Variants in SIK3 observed in about 807,000 individuals in gnomAD.
SIK3 encodes SIK family kinase 3.
A neutral mutation model predicts 144.2 loss-of-function variants in SIK3; 28 were observed. The observed-to-expected ratio is 0.19, with a 90% CI of 0.14 to 0.27. The LOEUF (loss-of-function observed/expected upper bound fraction) is 0.27, where lower values mean the gene tolerates loss of function less well. Among genes scored for constraint, SIK3 ranks in the 10% least tolerant of loss-of-function variants. The pLI, the probability that SIK3 is intolerant of heterozygous loss-of-function variation, is 1.00. For synonymous variants in SIK3, 686 were observed against 676.3 expected (o/e 1.01, Z -0.22); for missense variants, 1,319 against 1,776.0 (o/e 0.74, Z 4.62).
intron 1 of SIK3, among the ~76,000 whole-genome samples, chr11:116,993,006 C>T (rs1950547700): frequency 6.6e-6 from 1 of 152,076 alleles, no homozygotes; most frequent in African/African-American, 2.4e-5. Flanking sequence ...TCTAAAGGAC[C>T]AAATGTGAAC....
In SIK3 at chr11:116,867,830, T is replaced by C; in HGVS notation, c.1952+116A>G. The C allele has an allele frequency of 9.1e-7, 1 of 1,095,666 alleles. No homozygotes were observed. The highest frequency in any genetic ancestry group is 1.3e-6 in the Non-Finnish European group (1 of 788,644). The allele number at this position is 1,095,666 out of a possible 1,614,324, so 67.9% of individuals were successfully genotyped here. ...GAGCTGAGAAGATGTGAGTTCAGGATGACAGCTGGCTTCTATTTAAAGCCA... is the reference window on the plus strand; with the variant it reads ...GAGCTGAGAAGATGTGAGTTCAGGACGACAGCTGGCTTCTATTTAAAGCCA... On this transcript the variant is annotated intron_variant, in intron 15 of 24. Coordinates refer to ENST00000445177, the MANE Select transcript of SIK3 (RefSeq NM_001366686.3). This position sits in a 1 kb window ranked among gnomAD's most constrained non-coding sequence, Gnocchi z 4.1.
At position 117,072,432 on chromosome 11, in the gene SIK3, C is replaced by A. The variant is rs189519684; in HGVS notation, c.273+25711G>T. On this transcript the variant is annotated intron_variant, in intron 1 of 24. Coordinates refer to ENST00000445177, the MANE Select transcript of SIK3 (RefSeq NM_001366686.3). ...AAAAATAAAATAACATGACTGTGTCCAAAAAGCATATTGTTACATTTCCAC... is the reference window on the plus strand; with the variant it reads ...AAAAATAAAATAACATGACTGTGTCAAAAAAGCATATTGTTACATTTCCAC... 3.8e-3 allele frequency among the ~76,000 whole-genome samples: 575 copies of A among 152,008 alleles called. 2 individuals carry two copies. The highest frequency in any genetic ancestry group is 7.5e-3 in the Admixed American group (115 of 15,252).
intron 1 of SIK3, among the ~76,000 whole-genome samples, chr11:117,009,050 C>A (rs1387150697): frequency 6.6e-6 from 1 of 151,894 alleles, no homozygotes; most frequent in Non-Finnish European, 1.5e-5. Context: ...GCCTGACCAA[C>A]ATGGCGAAAC....
intron 5 of SIK3, 50 bp downstream of exon 5, chr11:116,897,143 C>T: frequency 1.3e-6 from 2 of 1,577,366 alleles, no homozygotes; most frequent in Non-Finnish European, 1.7e-6. Context: ...TAGCTGTCAT[C>T]AACCAAGGGT....
intron 3 of SIK3, among the ~76,000 whole-genome samples, chr11:116,951,681 T>A (rs1466594343): frequency 6.6e-6 from 1 of 152,088 alleles, no homozygotes; most frequent in Non-Finnish European, 1.5e-5. Flanking sequence ...ATGCCTATAA[T>A]CCCAACACTT....
chr11:116,934,612 A>G (rs1483789003), intron 3 of SIK3, among the ~76,000 whole-genome samples: 2 of 152,266 alleles, frequency 1.3e-5, no homozygotes, highest in Non-Finnish European at 2.9e-5. Context: ...ATGTGGAACT[A>G]GAACTATTTT....
chr11:116,893,099 T>G (rs1219421356), intron 6 of SIK3, among the ~76,000 whole-genome samples: 1 of 152,126 alleles, frequency 6.6e-6, no homozygotes, highest in African/African-American at 2.4e-5. Flanking sequence ...TTGGGGGCAG[T>G]GAAACAATTT....
rs180916814 is a variant in SIK3, at chr11:116,965,384, T to A, written c.274-8320A>T. On this transcript the variant is annotated intron_variant, in intron 1 of 24. Coordinates refer to ENST00000445177, the MANE Select transcript of SIK3 (RefSeq NM_001366686.3). ...AATGTATTCAACAATTTTTTTTTTTTAAAAAAAAGGAGTGGAGGAAAAGAG... is the reference window on the plus strand; with the variant it reads ...AATGTATTCAACAATTTTTTTTTTTAAAAAAAAAGGAGTGGAGGAAAAGAG... Among the ~76,000 whole-genome samples the A allele has an allele frequency of 7.0e-3, 1,052 of 150,970 alleles. 15 individuals are homozygous for A. Among genetic ancestry groups the A allele is most frequent in the Middle Eastern group, 0.037 (11 of 294 alleles).
intron 1 of SIK3, among the ~76,000 whole-genome samples, chr11:117,022,674 C>A (rs1464611708): frequency 2.0e-5 from 3 of 152,128 alleles, no homozygotes; most frequent in Non-Finnish European, 4.4e-5. Flanking sequence ...CAAAACGCAA[C>A]ATAGAAAGTC....
Position 116,844,577 on chromosome 11 carries a change from A to T in SIK3, c.*1066T>A, listed in dbSNP as rs1365990246. On this transcript the variant is annotated 3_prime_UTR_variant, in exon 25 of 25. Transcript: ENST00000445177. ...CCTGTGACAAAGAGGCTGAAAGAGGAGAGCATATATATATATATTTTATAT... is the reference window on the plus strand; with the variant it reads ...CCTGTGACAAAGAGGCTGAAAGAGGTGAGCATATATATATATATTTTATAT... 7.5e-6 allele frequency: 1 copy of T among 133,696 alleles called. No homozygotes were observed. Among genetic ancestry groups the T allele is most frequent in the Admixed American group, 8.6e-5 (1 of 11,674 alleles). 8.3% of individuals were successfully genotyped at this position (133,696 alleles called of 1,614,324 possible).
chr11:116,846,052 G>A lies in SIK3; in HGVS notation c.*13+331C>T, dbSNP rs996428661. 1.3e-5 allele frequency among the ~76,000 whole-genome samples: 2 copies of A among 152,162 alleles called. No individual in the cohort carries two copies. The highest frequency in any genetic ancestry group is 2.4e-5 in the African/African-American group (1 of 41,422). The stretch of plus-strand genomic sequence containing the variant: ...TCCTCCTTTCCTCATTATGCTGACC[G>A]GAGGTCACCTGCATCCTCTGGAGCC... On this transcript the variant is annotated intron_variant, in intron 24 of 24. Coordinates refer to ENST00000445177, the MANE Select transcript of SIK3 (RefSeq NM_001366686.3). The surrounding 1 kb of genome is among the most constrained non-coding windows in gnomAD (Gnocchi z 4.1).
At chr11:116,940,073 G>C (rs1323072395) in intron 3 of SIK3, among the ~76,000 whole-genome samples, 5 of 152,094 alleles carry the variant, frequency 3.3e-5, no homozygotes, top group African/African-American at 1.2e-4. Context: ...CTTCTGTTTT[G>C]ATTATGAAAG....
At chr11:116,951,437 A>G (rs1948930581) in intron 3 of SIK3, among the ~76,000 whole-genome samples, 1 of 152,158 alleles carries the variant, frequency 6.6e-6, no homozygotes, top group Non-Finnish European at 1.5e-5. Context: ...ATATTACATA[A>G]TATGTGTTAC....
At chr11:117,081,611 G>A (rs560155597) in intron 1 of SIK3, among the ~76,000 whole-genome samples, 5 of 152,302 alleles carry the variant, frequency 3.3e-5, no homozygotes, top group South Asian at 2.1e-4. Flanking sequence ...GCGACAGAGC[G>A]AGACTCCGTC....
At chr11:116,983,605 A>G (rs1446767988) in intron 1 of SIK3, among the ~76,000 whole-genome samples, 1 of 152,226 alleles carries the variant, frequency 6.6e-6, no homozygotes, top group African/African-American at 2.4e-5. Flanking sequence ...TATCAGTTGA[A>G]TGAAAATGCT....
chr11:117,062,717 CACT>C (rs1421856828), intron 1 of SIK3, among the ~76,000 whole-genome samples: 1 of 152,156 alleles, frequency 6.6e-6, no homozygotes, highest in African/African-American at 2.4e-5. Flanking sequence ...GTCCCCAAAT[CACT>C]AAGTGTGGAA....
intron 1 of SIK3, among the ~76,000 whole-genome samples, chr11:116,972,594 G>A (rs1210074770): frequency 6.6e-6 from 1 of 151,894 alleles, no homozygotes; most frequent in Non-Finnish European, 1.5e-5. Context: ...CTAACATTTG[G>A]GATGTACTCT....
intron 1 of SIK3, among the ~76,000 whole-genome samples, chr11:116,962,043 TA>T (rs1949366866): frequency 6.6e-6 from 1 of 152,180 alleles, no homozygotes; most frequent in African/African-American, 2.4e-5. Flanking sequence ...ATAATGTTCA[TA>T]GTGAATGAAG....
intron 1 of SIK3, among the ~76,000 whole-genome samples, chr11:117,011,669 GAAC>G (rs2135682518): frequency 6.6e-6 from 1 of 152,220 alleles, no homozygotes; most frequent in Admixed American, 6.5e-5. Flanking sequence ...AGGTATAGCT[GAAC>G]AACTACCACA....
Sources: gnomAD v4.1 joint callset for allele counts (sites outside exome capture counted in the v4.1 genomes callset) on GRCh38, gnomAD v4.1.1 for gene constraint, Gnocchi (gnomAD v3.1) non-coding constraint, MANE v1.5 for transcripts, NCBI Gene and HGNC (gene_info 2026-07-23, HGNC 2026-07-21) for gene names.